The following SCFD2 variants were observed in gnomAD, a reference collection of about 807,000 sequenced individuals.
The protein encoded by SCFD2 is sec1 family domain containing 2.
In SCFD2, 54 loss-of-function variants were observed where a neutral mutation model predicts 58.9. The observed-to-expected ratio is 0.92, with a 90% confidence interval of 0.74 to 1.15. The LOEUF is 1.15. SCFD2 is among the 50% of genes most tolerant of loss of function. The pLI is 0.00. For synonymous variants in SCFD2, 321 were observed against 335.9 expected (o/e 0.96, Z 0.49); for missense variants, 805 against 836.6 (o/e 0.96, Z 0.47).
chr4:53,077,729 C>T (rs1314893413), intron 5 of SCFD2, among the ~76,000 whole-genome samples: 2 of 152,110 alleles, frequency 1.3e-5, no homozygotes, highest in Non-Finnish European at 2.9e-5. Flanking sequence ...TGAGCCACGG[C>T]GGCTGGCCTC....
At chr4:53,241,913 C>T (rs1488312178) in intron 4 of SCFD2, among the ~76,000 whole-genome samples, 2 of 152,236 alleles carry the variant, frequency 1.3e-5, no homozygotes, top group Non-Finnish European at 2.9e-5. Flanking sequence ...AGTGGCACCA[C>T]CACCTGCATG....
chr4:53,122,044 T>G (rs1725493352), intron 5 of SCFD2, among the ~76,000 whole-genome samples: 1 of 152,148 alleles, frequency 6.6e-6, no homozygotes, highest in Admixed American at 6.6e-5. Flanking sequence ...AGGAATAAAC[T>G]TCCCCAGACT....
intron 3 of SCFD2, among the ~76,000 whole-genome samples, chr4:53,285,313 G>A (rs562481112): frequency 1.3e-5 from 2 of 152,002 alleles, no homozygotes; most frequent in East Asian, 3.9e-4. Flanking sequence ...TTATCCAGGG[G>A]CAAATTACCA....
intron 4 of SCFD2, among the ~76,000 whole-genome samples, chr4:53,247,315 C>T (rs899920113): frequency 5.9e-5 from 9 of 152,004 alleles, no homozygotes; most frequent in Admixed American, 2.0e-4. Context: ...AGTGTAAATT[C>T]GTTCACGCAG....
rs71626298 is a variant in SCFD2, at chr4:53,332,553, A to C, written c.1008-18790T>G. Among the ~76,000 whole-genome samples the C allele has an allele frequency of 6.6e-3, 1,004 of 152,308 alleles. 3 individuals carry two copies. The highest frequency in any genetic ancestry group is 0.01 in the Middle Eastern group (3 of 294). On this transcript the variant is annotated intron_variant, in intron 2 of 8. Coordinates refer to ENST00000401642, the MANE Select transcript of SCFD2 (RefSeq NM_152540.4). ...CCTTTGACAAAATTCAACAACCCTTAATGCTAAAAACTCTCAATAAATTAG... is the reference window on the plus strand; with the variant it reads ...CCTTTGACAAAATTCAACAACCCTTCATGCTAAAAACTCTCAATAAATTAG...
chr4:52,885,645 C>T (rs2109447171), intron 8 of SCFD2, 102 bp downstream of exon 8: 1 of 1,365,600 alleles, frequency 7.3e-7, no homozygotes, highest in Non-Finnish European at 1.0e-6. Context: ...GATGGGCAGG[C>T]AGGCTAGGAG....
At chr4:53,209,627 C>A (rs1728543053) in intron 4 of SCFD2, among the ~76,000 whole-genome samples, 1 of 152,106 alleles carries the variant, frequency 6.6e-6, no homozygotes, top group South Asian at 2.1e-4. Context: ...GGAATACCAA[C>A]TATTGCTAGA....
chr4:53,163,869 C>T (rs1429892008), intron 4 of SCFD2, among the ~76,000 whole-genome samples: 3 of 152,140 alleles, frequency 2.0e-5, no homozygotes, highest in Non-Finnish European at 2.9e-5. Flanking sequence ...CTTGAAATAA[C>T]GTTTTACAGA....
chr4:52,930,417 A>C (rs6554059), intron 5 of SCFD2, among the ~76,000 whole-genome samples: 4,865 of 152,272 alleles, frequency 0.032, 294 homozygotes, highest in African/African-American at 0.11. Flanking sequence ...CTAGGAGAAA[A>C]TCTAGGCAAT....
In SCFD2 at chr4:53,106,028, C is replaced by A. The variant is rs111442158; in HGVS notation, c.1561+39305G>T. ...GCAGTAATCTTTGCTGTTCTGCAGG[C>A]TCCACTGGTGATACCCAGTCAAACA... On this transcript the variant is annotated intron_variant, in intron 5 of 8. Transcript: ENST00000401642. Among the ~76,000 whole-genome samples the A allele has an allele frequency of 3.1e-3, 474 of 152,298 alleles. 1 individual carries two copies. Among genetic ancestry groups the A allele is most frequent in the African/African-American group, 0.011 (440 of 41,558 alleles).
chr4:53,064,326 C>T lies in SCFD2; in HGVS notation c.1561+81007G>A, dbSNP rs371394452. 1.2e-4 allele frequency among the ~76,000 whole-genome samples: 18 copies of T among 152,106 alleles called. No homozygotes were observed. In the East Asian group the frequency reaches 2.9e-3, roughly 25 times the overall value. The stretch of plus-strand genomic sequence containing the variant: ...TCTATTCTTCCCATCTGTATGTCCA[C>T]CAACACATACCATTTTGATTAAATA... On this transcript the variant is annotated intron_variant, in intron 5 of 8. Transcript: ENST00000401642.
Position 52,969,581 on chromosome 4 carries a change from G to A in SCFD2, c.1562-48711C>T, listed in dbSNP as rs997948193. On this transcript the variant is annotated intron_variant, in intron 5 of 8. Coordinates refer to ENST00000401642, the MANE Select transcript of SCFD2 (RefSeq NM_152540.4). ...CTGGTGGAAAGGAAGCTGGGGTGAT[G>A]GGTGTTACTTCCAGACAGGACTCTT... 3.9e-5 allele frequency among the ~76,000 whole-genome samples: 6 copies of A among 152,188 alleles called. 1 individual carries two copies. Among genetic ancestry groups the A allele is most frequent in the African/African-American group, 1.4e-4 (6 of 41,430 alleles).
intron 7 of SCFD2, among the ~76,000 whole-genome samples, chr4:52,903,588 G>C (rs576195054): frequency 6.6e-6 from 1 of 152,146 alleles, no homozygotes; most frequent in Non-Finnish European, 1.5e-5. Context: ...GCCTATACAG[G>C]TGCCGACCGC....
chr4:52,943,885 T>C (rs1418165122), intron 5 of SCFD2, among the ~76,000 whole-genome samples: 1 of 152,202 alleles, frequency 6.6e-6, no homozygotes, highest in Non-Finnish European at 1.5e-5. Context: ...GTGGGAGGGC[T>C]GAATTCAGAC....
chr4:53,263,857 C>T (rs1245842230), intron 4 of SCFD2, among the ~76,000 whole-genome samples: 4 of 152,134 alleles, frequency 2.6e-5, no homozygotes. Flanking sequence ...CATAGAGCCC[C>T]CAAGAGATTA....
rs191916959 is a variant in SCFD2 at position 53,110,028 on chromosome 4, T to A, written c.1561+35305A>T. 6.0e-3 allele frequency among the ~76,000 whole-genome samples: 645 copies of A among 107,340 alleles called. 2 individuals are homozygous for A. The highest frequency in any genetic ancestry group is 0.018 in the African/African-American group (621 of 34,254). 70.4% of individuals were successfully genotyped at this position (107,340 alleles called of 152,430 possible). A position where few individuals can be genotyped will look rare whatever the true frequency, so the allele number is the denominator to read the frequency against. ...AGCATGGTACTGGTACCAAAACAGA[T>A]ATACAGACCAATGGAACAGAACAGA... On this transcript the variant is annotated intron_variant, in intron 5 of 8. Transcript: ENST00000401642.
intron 4 of SCFD2, among the ~76,000 whole-genome samples, chr4:53,153,609 T>C (rs1726576782): frequency 6.6e-6 from 1 of 152,222 alleles, no homozygotes; most frequent in Non-Finnish European, 1.5e-5. Context: ...TTTTGGATAT[T>C]AGCACTTGGA....
chr4:53,012,836 GT>G (rs3987774), intron 5 of SCFD2, among the ~76,000 whole-genome samples: 21 of 145,112 alleles, frequency 1.4e-4, no homozygotes, highest in African/African-American at 4.3e-4. Context: ...GTGTGTGTGT[GT>G]TTTTTTTTAA....
chr4:53,115,627 G>A (rs546467832), intron 5 of SCFD2, among the ~76,000 whole-genome samples: 3 of 152,188 alleles, frequency 2.0e-5, no homozygotes, highest in African/African-American at 7.2e-5. Flanking sequence ...CTTGAGAAAA[G>A]GAAAGGTAGT....
Sources: gnomAD v4.1 joint callset for allele counts (sites outside exome capture counted in the v4.1 genomes callset) on GRCh38, gnomAD v4.1.1 for gene constraint, MANE v1.5 for transcripts, NCBI Gene and HGNC (gene_info 2026-07-23, HGNC 2026-07-21) for gene names.